ARHGEF7: variants seen among roughly 807,000 people sequenced by gnomAD.
The protein encoded by ARHGEF7 is PAK-interacting exchange factor beta.
A neutral mutation model predicts 109.8 loss-of-function variants in ARHGEF7; 33 were observed. The ratio of observed to expected loss-of-function variants is 0.30; its 90% CI spans 0.23 to 0.40. The LOEUF is 0.40. Ranked by LOEUF, ARHGEF7 falls within the 10% of genes least tolerant of loss-of-function variation. The pLI is 1.00. For missense variants in ARHGEF7, 938 were observed against 1,098.5 expected (o/e 0.85, Z 2.07); for synonymous variants, 458 against 424.6 (o/e 1.08, Z -0.97).
chr13:111,259,160 C>A (rs966367655), intron 8 of ARHGEF7, among the ~76,000 whole-genome samples: 2 of 152,196 alleles, frequency 1.3e-5, no homozygotes, highest in Non-Finnish European at 2.9e-5. Context: ...GGAGAACTCA[C>A]CGTCCTGAAG....
chr13:111,283,190 G>C lies in ARHGEF7; in HGVS notation c.1777G>C (p.Ala593Pro). ...PSSKHADSKP[A>P]PLTPAYHTLP... The stretch of plus-strand genomic sequence containing the variant: ...CAGCAAGCACGCAGACAGCAAGCCC[G>C]CGCCGCTGACGCCCGCCTACCACAC... The change falls in exon 16 of 22, where the codon GCG becomes CCG. Residue 593 changes from alanine to proline, a missense_variant. This residue lies in a region of ARHGEF7 where 585 missense variants were observed against 723.6 expected (regional missense o/e 0.81). Coordinates refer to ENST00000646102, the MANE Select transcript of ARHGEF7 (RefSeq NM_001354046.2). The C allele has an allele frequency of 6.3e-7, 1 of 1,597,426 alleles. No individual in the cohort carries two copies. Among genetic ancestry groups the C allele is most frequent in the Non-Finnish European group, 8.5e-7 (1 of 1,173,244 alleles).
chr13:111,241,989 G>T (rs2087870093), intron 6 of ARHGEF7, among the ~76,000 whole-genome samples: 1 of 152,174 alleles, frequency 6.6e-6, no homozygotes, highest in Non-Finnish European at 1.5e-5. Flanking sequence ...AGCGTCTCTG[G>T]GGTGTGGTGG....
At chr13:111,297,326 G>A (rs978969896) in intron 19 of ARHGEF7, among the ~76,000 whole-genome samples, 1 of 152,170 alleles carries the variant, frequency 6.6e-6, no homozygotes, top group Non-Finnish European at 1.5e-5. Context: ...TTTCACATTG[G>A]TGCATTTCAG....
chr13:111,142,098 T>TGCTTA, intron 1 of ARHGEF7, among the ~76,000 whole-genome samples: 1 of 152,250 alleles, frequency 6.6e-6, no homozygotes, highest in East Asian at 1.9e-4. Flanking sequence ...TCTTTTTATG[T>TGCTTA]GCTTATTTAC....
intron 15 of ARHGEF7, among the ~76,000 whole-genome samples, chr13:111,282,650 G>A (rs976611087): frequency 6.6e-6 from 1 of 152,300 alleles, no homozygotes; most frequent in Non-Finnish European, 1.5e-5. Flanking sequence ...CTGTGTGCCA[G>A]GAAAACTTTT....
At chr13:111,137,439 G>A (rs937280784) in intron 1 of ARHGEF7, among the ~76,000 whole-genome samples, 5 of 152,210 alleles carry the variant, frequency 3.3e-5, no homozygotes, top group East Asian at 3.9e-4. Flanking sequence ...CGTCTTTTCC[G>A]TGCGTGGCAC....
At chr13:111,209,803 A>G (rs1415606040) in intron 3 of ARHGEF7, 69 bp from the exon 4 acceptor site, 18 of 1,564,556 alleles carry the variant, frequency 1.2e-5, no homozygotes, top group Non-Finnish European at 1.2e-5. Flanking sequence ...TTTAAAGTCT[A>G]GTGTGTAGTG....
At chr13:111,276,031 T>C (rs374771290) in intron 12 of ARHGEF7, 259 of 263,792 alleles carry the variant, frequency 9.8e-4, no homozygotes, top group African/African-American at 5.0e-3. Context: ...CAAGGCTCAC[T>C]CTCACAGGGA....
intron 2 of ARHGEF7, among the ~76,000 whole-genome samples, chr13:111,180,881 A>C (rs2078669896): frequency 6.6e-6 from 1 of 152,224 alleles, no homozygotes; most frequent in South Asian, 2.1e-4. Context: ...CATAATCTGC[A>C]TCATGCAACT....
chr13:111,270,635 T>C (rs941852144), intron 9 of ARHGEF7, among the ~76,000 whole-genome samples: 2 of 152,212 alleles, frequency 1.3e-5, no homozygotes, highest in Admixed American at 1.3e-4. Flanking sequence ...AGTTTTTCTC[T>C]GCTGTACCGT....
intron 2 of ARHGEF7, among the ~76,000 whole-genome samples, chr13:111,199,481 T>C (rs1238654730): frequency 6.6e-6 from 1 of 152,186 alleles, no homozygotes; most frequent in Non-Finnish European, 1.5e-5. Context: ...GACTATAAGC[T>C]CCCTGATGTT....
At chr13:111,236,630 T>A (rs879489889) in intron 6 of ARHGEF7, among the ~76,000 whole-genome samples, 11 of 152,230 alleles carry the variant, frequency 7.2e-5, no homozygotes, top group Admixed American at 7.2e-4. Context: ...TTGGGTAGCA[T>A]AATTTAGTAT....
chr13:111,168,703 T>A (rs764190248), intron 2 of ARHGEF7, among the ~76,000 whole-genome samples: 1 of 152,220 alleles, frequency 6.6e-6, no homozygotes, highest in African/African-American at 2.4e-5. Flanking sequence ...GGGTTTAGTT[T>A]TTTGAAGCTT....
chr13:111,277,512 A>G, intron 12 of ARHGEF7, 75 bp from the exon 13 acceptor site: 1 of 892,350 alleles, frequency 1.1e-6, no homozygotes, highest in Non-Finnish European at 1.8e-6. Flanking sequence ...AGTATAAATA[A>G]GTGAAGTATT....
In ARHGEF7 at chr13:111,303,413, A is replaced by G. The variant is rs1228842237; in HGVS notation, c.*300A>G. On this transcript the variant is annotated 3_prime_UTR_variant, in exon 22 of 22. Coordinates refer to ENST00000646102, the MANE Select transcript of ARHGEF7 (RefSeq NM_001354046.2). Reference sequence around the variant, plus strand: ...CTGACTAAAAGTCTTGTTTTTCCAGACTTTGAATTGAATATATAAATATTA... The same window carrying G: ...CTGACTAAAAGTCTTGTTTTTCCAGGCTTTGAATTGAATATATAAATATTA... The G allele has an allele frequency of 9.7e-6, 2 of 205,350 alleles. No individual in the cohort carries two copies. Among genetic ancestry groups the G allele is most frequent in the Non-Finnish European group, 2.0e-5 (2 of 102,210 alleles). 12.7% of individuals were successfully genotyped at this position (205,350 alleles called of 1,614,324 possible).
intron 2 of ARHGEF7, among the ~76,000 whole-genome samples, chr13:111,178,264 C>T (rs562970045): frequency 2.0e-5 from 3 of 152,312 alleles, no homozygotes. Context: ...AGCGAGAGAA[C>T]AGGTTCCCAG....
At chr13:111,209,737 C>A in intron 3 of ARHGEF7, 135 bp from the exon 4 acceptor site, 2 of 966,954 alleles carry the variant, frequency 2.1e-6, no homozygotes, top group Non-Finnish European at 1.5e-6. Context: ...TTGTTTTCTG[C>A]ATAAATGGGC....
intron 6 of ARHGEF7, among the ~76,000 whole-genome samples, chr13:111,238,648 A>G (rs1040693096): frequency 2.6e-5 from 4 of 152,096 alleles, no homozygotes; most frequent in African/African-American, 9.7e-5. Flanking sequence ...CCCCCATGGC[A>G]TGGTGACTGG....
intron 8 of ARHGEF7, among the ~76,000 whole-genome samples, chr13:111,267,271 C>T (rs2091730681): frequency 6.6e-6 from 1 of 152,210 alleles, no homozygotes. Flanking sequence ...ATCTGTTTTT[C>T]TCACTGCCCA....
Sources: gnomAD v4.1 joint callset for allele counts (sites outside exome capture counted in the v4.1 genomes callset) on GRCh38, gnomAD v4.1.1 for gene constraint, gnomAD v4.1.1 regional missense constraint, MANE v1.5 for transcripts, NCBI Gene and HGNC (gene_info 2026-07-23, HGNC 2026-07-21) for gene names.